PTH2R: variants seen among roughly 807,000 people sequenced by gnomAD.
PTH2R encodes parathyroid hormone 2 receptor, also known as PTH2 receptor.
Under a neutral mutation model 60.3 loss-of-function variants are expected in PTH2R, and 59 were observed. The ratio of observed to expected loss-of-function variants is 0.98; its 90% CI spans 0.79 to 1.22. The LOEUF is 1.22. Ranked by LOEUF, PTH2R falls within the 50% of genes most tolerant of loss-of-function variation. PTH2R has a pLI of 0.00. For synonymous variants in PTH2R, 256 were observed against 243.8 expected, an observed-to-expected ratio of 1.05 and a Z score of -0.47; for missense variants, 749 against 682.6, an observed-to-expected ratio of 1.10 and a Z score of -1.08.
chr2:208,444,625 C>T, intron 6 of PTH2R, 109 bp from the exon 7 acceptor site: 1 of 1,029,366 alleles, frequency 9.7e-7, no homozygotes, highest in Non-Finnish European at 1.4e-6. Flanking sequence ...GTAAAGGAGA[C>T]ATATTAGCCT....
chr2:208,380,682 C>G (rs1310699259), intron 1 of PTH2R, among the ~76,000 whole-genome samples: 1 of 152,214 alleles, frequency 6.6e-6, no homozygotes, highest in Admixed American at 6.5e-5. Context: ...GATAAAAGGC[C>G]TCAGATGTAG....
chr2:208,419,657 G>A (rs1273098713), intron 1 of PTH2R, among the ~76,000 whole-genome samples: 2 of 152,170 alleles, frequency 1.3e-5, no homozygotes, highest in South Asian at 2.1e-4. Flanking sequence ...ATGGTTTTAG[G>A]TCTAACATTT....
At chr2:208,391,500 A>G (rs1392252792) in intron 1 of PTH2R, among the ~76,000 whole-genome samples, 1 of 152,130 alleles carries the variant, frequency 6.6e-6, no homozygotes, top group Non-Finnish European at 1.5e-5. Context: ...GGACTCCCCT[A>G]CAGGAAGGCT....
chr2:208,469,158 G>C (rs183636453), intron 9 of PTH2R, among the ~76,000 whole-genome samples: 1 of 152,296 alleles, frequency 6.6e-6, no homozygotes, highest in Admixed American at 6.5e-5. Flanking sequence ...GTCAAACTGT[G>C]TCTTGAATTT....
At chr2:208,481,204 GT>G in intron 10 of PTH2R, 40 bp downstream of exon 10, 2 of 1,388,988 alleles carry the variant, frequency 1.4e-6, no homozygotes, top group Non-Finnish European at 2.0e-6. Context: ...AAATATTTTG[GT>G]TACTATTTCT....
upstream of PTH2R, among the ~76,000 whole-genome samples, chr2:208,403,868 T>G (rs1268880667): frequency 6.6e-6 from 1 of 152,224 alleles, no homozygotes; most frequent in South Asian, 2.1e-4. Context: ...GGCTTCTCTA[T>G]GGGCGTCTCA....
At chr2:208,468,682 T>C (rs554927025) in intron 9 of PTH2R, among the ~76,000 whole-genome samples, 50 of 152,324 alleles carry the variant, frequency 3.3e-4, no homozygotes, top group Admixed American at 7.8e-4. Flanking sequence ...CTTTGTGACC[T>C]TGATGCCGTC....
chr2:208,478,227 C>T (rs985837517), intron 9 of PTH2R, among the ~76,000 whole-genome samples: 1 of 152,126 alleles, frequency 6.6e-6, no homozygotes, highest in Admixed American at 6.6e-5. Flanking sequence ...TCATATACCT[C>T]CTCACAGCTG....
At chr2:208,490,905 C>T (rs1703390148) in intron 12 of PTH2R, among the ~76,000 whole-genome samples, 1 of 152,198 alleles carries the variant, frequency 6.6e-6, no homozygotes, top group Non-Finnish European at 1.5e-5. Context: ...TACACTCTGA[C>T]ATTAAAAAGC....
At chr2:208,436,506 C>T (rs35594113) in intron 2 of PTH2R, among the ~76,000 whole-genome samples, 3,922 of 152,210 alleles carry the variant, frequency 0.026, 51 homozygotes, top group Middle Eastern at 0.041. Flanking sequence ...TTACATGAAA[C>T]GGGTTTATTA....
At chr2:208,377,473 C>G (rs1445581758) in intron 1 of PTH2R, among the ~76,000 whole-genome samples, 1 of 150,496 alleles carries the variant, frequency 6.6e-6, no homozygotes, top group Admixed American at 6.6e-5. Flanking sequence ...CCCCACCTCC[C>G]GGATGGGGCG....
In PTH2R at chr2:208,444,764, A is replaced by T; in HGVS notation, c.730A>T (p.Ile244Phe). Residue 244 changes from isoleucine (I) to phenylalanine (F), a missense_variant, in exon 7 of 13, where the codon ATT (isoleucine) becomes TTT (phenylalanine). Coordinates refer to ENST00000272847, the MANE Select transcript of PTH2R (RefSeq NM_005048.4). ...GTGCAAGATTGCTGTTGTGATGTTT[A>T]TTTACTTCCTGGCTACAAATTATTA... ...IGCKIAVVMF[I>F]YFLATNYYWI... The T allele has an allele frequency of 6.2e-7, 1 of 1,613,754 alleles. No homozygotes were observed. The highest frequency in any genetic ancestry group is 8.5e-7 in the Non-Finnish European group (1 of 1,179,834).
At chr2:208,366,557 G>T (rs1363687718) in intron 1 of PTH2R, among the ~76,000 whole-genome samples, 1 of 152,118 alleles carries the variant, frequency 6.6e-6, no homozygotes, top group African/African-American at 2.4e-5. Context: ...TAATAGCCAT[G>T]AACTCCTATG....
chr2:208,442,729 G>A (rs13022702), intron 5 of PTH2R, among the ~76,000 whole-genome samples: 2,938 of 152,132 alleles, frequency 0.019, 34 homozygotes, highest in Middle Eastern at 0.041. Context: ...AGACAGCATC[G>A]AATTGAATGA....
intron 1 of PTH2R, among the ~76,000 whole-genome samples, chr2:208,388,193 G>A (rs1701042757): frequency 6.8e-6 from 1 of 147,116 alleles, no homozygotes; most frequent in South Asian, 2.3e-4. Context: ...GCGGTCACCT[G>A]TAGCCCCCAG....
Position 208,493,767 on chromosome 2 carries a change from G to T in PTH2R, c.*108G>T. ...TTCAAAGGCTGAAAATTCAGTTAAG[G>T]TGTTACTTAATAATAGTTTTTAGGC... On this transcript the variant is annotated 3_prime_UTR_variant, in exon 13 of 13. Coordinates refer to ENST00000272847, the MANE Select transcript of PTH2R (RefSeq NM_005048.4). 2 of 1,283,268 alleles carry T rather than the reference G, an allele frequency of 1.6e-6. No homozygotes were observed. The highest frequency in any genetic ancestry group is 2.1e-6 in the Non-Finnish European group (2 of 951,868). 79.5% of individuals were successfully genotyped at this position (1,283,268 alleles called of 1,614,324 possible). A position where few individuals can be genotyped will look rare whatever the true frequency, so the allele number is the denominator to read the frequency against.
intron 10 of PTH2R, among the ~76,000 whole-genome samples, chr2:208,485,474 GA>G (rs1559234194): frequency 2.6e-5 from 4 of 152,198 alleles, no homozygotes; most frequent in Admixed American, 1.3e-4. Flanking sequence ...TATGGACGCT[GA>G]AAAAAATCAG....
chr2:208,440,267 C>G (rs1702156056), intron 4 of PTH2R, among the ~76,000 whole-genome samples: 2 of 152,118 alleles, frequency 1.3e-5, no homozygotes. Flanking sequence ...AAAGTCATAA[C>G]AATAACAACT....
intron 9 of PTH2R, among the ~76,000 whole-genome samples, chr2:208,465,643 TCCGC>T (rs1428109830): frequency 6.6e-6 from 1 of 151,974 alleles, no homozygotes; most frequent in Non-Finnish European, 1.5e-5. Context: ...ACCTCAGTGA[TCCGC>T]CCGCCTCGGC....
Sources: allele counts gnomAD v4.1 joint callset (sites outside exome capture counted in the v4.1 genomes callset), GRCh38; gene constraint gnomAD v4.1.1; transcripts MANE v1.5; gene names NCBI Gene and HGNC (gene_info 2026-07-23, HGNC 2026-07-21).